SORCS1: variants seen among roughly 807,000 people sequenced by gnomAD.
The protein encoded by SORCS1 is VPS10 domain-containing receptor SorCS1.
A neutral mutation model predicts 146.1 loss-of-function variants in SORCS1; 60 were observed. The observed-to-expected ratio is 0.41, with a 90% CI of 0.33 to 0.51. The LOEUF (loss-of-function observed/expected upper bound fraction) is 0.51, where lower values mean the gene tolerates loss of function less well. SORCS1 is among the 20% of genes least tolerant of loss of function. SORCS1 has a pLI of 0.21. For synonymous variants in SORCS1, 637 were observed against 584.0 expected, an observed-to-expected ratio of 1.09 and a Z score of -1.31; for missense variants, 1,352 against 1,487.6, an observed-to-expected ratio of 0.91 and a Z score of 1.50.
intron 1 of SORCS1, among the ~76,000 whole-genome samples, chr10:107,006,340 A>C (rs757427618): frequency 1.1e-4 from 17 of 152,182 alleles, no homozygotes; most frequent in Admixed American, 6.5e-4. Flanking sequence ...CAAGGAAGAC[A>C]GGGAGGAAAA....
chr10:106,892,895 C>CTTTTT lies in SORCS1; in HGVS notation c.627-63227_627-63223dup, dbSNP rs11352487. ...AAAAAAAAGAGGCATTTGGAAAGCC[C>CTTTTT]TTTTTTTTTTTTTTTTGAGATAGAG... On this transcript the variant is annotated intron_variant, in intron 2 of 25. Transcript: ENST00000263054. Among the ~76,000 whole-genome samples the CTTTTT allele has an allele frequency of 3.1e-3, 423 of 137,188 alleles. 2 individuals carry two copies. The highest frequency in any genetic ancestry group is 9.2e-3 in the African/African-American group (338 of 36,796). The allele number at this position is 137,188 out of a possible 152,430, so 90.0% of individuals were successfully genotyped here. A position where few individuals can be genotyped will look rare whatever the true frequency, so the allele number is the denominator to read the frequency against.
intron 1 of SORCS1, among the ~76,000 whole-genome samples, chr10:106,968,656 AT>A (rs1264301846): frequency 6.6e-6 from 1 of 152,244 alleles, no homozygotes; most frequent in Non-Finnish European, 1.5e-5. Flanking sequence ...CAGGAAGCCA[AT>A]AAATAATGCT....
At chr10:106,974,167 A>G (rs1955901946) in intron 1 of SORCS1, among the ~76,000 whole-genome samples, 2 of 152,212 alleles carry the variant, frequency 1.3e-5, no homozygotes, top group South Asian at 4.1e-4. Flanking sequence ...GTGGCCAAAC[A>G]TGGGGCCTAA....
At position 107,119,668 on chromosome 10, in the gene SORCS1, T is replaced by C. The variant is rs146979468; in HGVS notation, c.558+44301A>G. ...TTAGAAGCCTTCAAATATTTTATTT[T>C]ACAATAGGAAGTCTAATCCACAGAG... On this transcript the variant is annotated intron_variant, in intron 1 of 25. Transcript: ENST00000263054. Among the ~76,000 whole-genome samples, 726 of 152,330 alleles carry C rather than the reference T, an allele frequency of 4.8e-3. 6 individuals are homozygous for C. Among genetic ancestry groups the C allele is most frequent in the African/African-American group, 0.016 (680 of 41,578 alleles).
intron 18 of SORCS1, among the ~76,000 whole-genome samples, chr10:106,635,871 C>T (rs541765423): frequency 6.6e-6 from 1 of 152,176 alleles, no homozygotes; most frequent in South Asian, 2.1e-4. Flanking sequence ...TCAGCCATTT[C>T]TTTGTATGAC....
chr10:106,824,508 G>A (rs1356763733), intron 3 of SORCS1, among the ~76,000 whole-genome samples: 6 of 149,228 alleles, frequency 4.0e-5, no homozygotes, highest in East Asian at 2.0e-4. Flanking sequence ...AGAATTTTTT[G>A]AACCCGGGAG....
In SORCS1 at chr10:106,576,216, C is replaced by T. The variant is rs568297806; in HGVS notation, c.*1204G>A. On this transcript the variant is annotated 3_prime_UTR_variant, in exon 26 of 26. Transcript: ENST00000263054. The stretch of plus-strand genomic sequence containing the variant: ...TGCAGGATGCAGCAAGGTCCATGGG[C>T]ACAGAAGCTGGCATGCTTGGGAATG... 1.3e-5 allele frequency: 2 copies of T among 152,518 alleles called. No individual in the cohort carries two copies. Among genetic ancestry groups the T allele is most frequent in the East Asian group, 3.9e-4 (2 of 5,186 alleles). The allele number at this position is 152,518 out of a possible 1,614,324, so 9.4% of individuals were successfully genotyped here.
In SORCS1 at chr10:106,616,491, G is replaced by A. The variant is rs1847371258; in HGVS notation, c.2920+1658C>T. Reference sequence around the variant, plus strand: ...ATAATATCACCTGCTTTACACTAGGGTTGTTATGAAGAATAAATGCATTCC... The same window carrying A: ...ATAATATCACCTGCTTTACACTAGGATTGTTATGAAGAATAAATGCATTCC... On this transcript the variant is annotated intron_variant, in intron 21 of 25. Transcript: ENST00000263054. Among the ~76,000 whole-genome samples, 3 of 152,146 alleles carry A rather than the reference G, an allele frequency of 2.0e-5. No homozygotes were observed. In the South Asian group the frequency reaches 6.2e-4, roughly 32 times the overall value.
chr10:106,970,336 C>CTTTTTTTTTTTTTTTTTTTTTTTTTT lies in SORCS1; in HGVS notation c.559-13757_559-13756insAAAAAAAAAAAAAAAAAAAAAAAAAA, dbSNP rs766818370. ...TTCCCTCCAAATGTAACCAACATCT[C>CTTTTTTTTTTTTTTTTTTTTTTTTTT]TTTTTTTTTTTTTTTTTTTGAGATG... On this transcript the variant is annotated intron_variant, in intron 1 of 25. Transcript: ENST00000263054. 5.6e-4 allele frequency among the ~76,000 whole-genome samples: 50 copies of CTTTTTTTTTTTTTTTTTTTTTTTTTT among 89,430 alleles called. 7 individuals are homozygous for CTTTTTTTTTTTTTTTTTTTTTTTTTT. The highest frequency in any genetic ancestry group is 2.6e-3 in the African/African-American group (48 of 18,460). 58.7% of individuals were successfully genotyped at this position (89,430 alleles called of 152,430 possible).
At chr10:106,991,371 C>G (rs1288711702) in intron 1 of SORCS1, among the ~76,000 whole-genome samples, 2 of 152,172 alleles carry the variant, frequency 1.3e-5, no homozygotes, top group Non-Finnish European at 2.9e-5. Context: ...TTCTATTCCT[C>G]AAATAAATGA....
chr10:106,633,822 T>C (rs887598266), intron 18 of SORCS1, among the ~76,000 whole-genome samples: 1 of 152,178 alleles, frequency 6.6e-6, no homozygotes, highest in Non-Finnish European at 1.5e-5. Context: ...AATCTGGATG[T>C]CCAACTACTA....
intron 1 of SORCS1, among the ~76,000 whole-genome samples, chr10:107,004,073 G>A (rs1231870623): frequency 6.6e-6 from 1 of 151,422 alleles, no homozygotes; most frequent in Non-Finnish European, 1.5e-5. Context: ...TAGTTTGGAA[G>A]GCTGAGGCAG....
At chr10:107,052,633 A>G (rs971788968) in intron 1 of SORCS1, among the ~76,000 whole-genome samples, 52 of 152,154 alleles carry the variant, frequency 3.4e-4, no homozygotes, top group African/African-American at 1.2e-3. Context: ...ATGGTCACAG[A>G]AACACTTTCA....
At chr10:106,594,819 G>T (rs1380392429) in intron 24 of SORCS1, among the ~76,000 whole-genome samples, 1 of 152,188 alleles carries the variant, frequency 6.6e-6, no homozygotes, top group Non-Finnish European at 1.5e-5. Context: ...GGAATATCCG[G>T]CTTAGTTGTT....
intron 1 of SORCS1, among the ~76,000 whole-genome samples, chr10:107,065,641 C>G (rs1385967368): frequency 6.7e-6 from 1 of 148,184 alleles, no homozygotes; most frequent in Non-Finnish European, 1.5e-5. Context: ...CCTCAGCTCC[C>G]CAAATAGTTT....
intron 6 of SORCS1, among the ~76,000 whole-genome samples, chr10:106,711,200 C>G (rs1589715326): frequency 2.0e-5 from 3 of 152,244 alleles, no homozygotes; most frequent in African/African-American, 7.2e-5. Flanking sequence ...TTGGAACATG[C>G]CACTTATTGA....
chr10:106,794,021 C>T (rs913161474), intron 3 of SORCS1, among the ~76,000 whole-genome samples: 1 of 152,202 alleles, frequency 6.6e-6, no homozygotes, highest in Non-Finnish European at 1.5e-5. Flanking sequence ...CAGTGGCAGA[C>T]CTTTTTTCTT....
chr10:106,865,610 A>T (rs1950197463), intron 2 of SORCS1, among the ~76,000 whole-genome samples: 1 of 152,056 alleles, frequency 6.6e-6, no homozygotes, highest in African/African-American at 2.4e-5. Context: ...CTGTAATCCC[A>T]GCTACTCAGG....
At position 106,620,434 on chromosome 10, in the gene SORCS1, G is replaced by A; in HGVS notation, c.2790C>T (p.Asn930=). 6.2e-7 allele frequency: 1 copy of A among 1,612,826 alleles called. No homozygotes were observed. The highest frequency in any genetic ancestry group is 8.5e-7 in the Non-Finnish European group (1 of 1,179,058). Residue 930 remains asparagine, a synonymous_variant, in exon 20 of 26, where the codon AAC becomes AAT. Transcript: ENST00000263054. The stretch of plus-strand genomic sequence containing the variant: ...ATGTGGAAGGTGAACCCACCTCCGT[G>A]TTGTTTCCGTACCACCACACGTAAG... ...TLTYVWWYGN[N]TEPLITLEGS... is the part of the protein sequence containing the mutation.
Sources: gnomAD v4.1 joint callset for allele counts (sites outside exome capture counted in the v4.1 genomes callset) on GRCh38, gnomAD v4.1.1 for gene constraint, MANE v1.5 for transcripts, NCBI Gene and HGNC (gene_info 2026-07-23, HGNC 2026-07-21) for gene names.